TRIM46: variants seen among roughly 807,000 people sequenced by gnomAD.
TRIM46 encodes tripartite motif-containing protein 46.
In TRIM46, 17 loss-of-function variants were observed where a neutral mutation model predicts 69.7. That is an observed-to-expected ratio of 0.24 (90% CI 0.17 to 0.37). The LOEUF is 0.37. Among genes scored for constraint, TRIM46 ranks in the 10% least tolerant of loss-of-function variants. TRIM46 has a pLI of 1.00. For synonymous variants in TRIM46, 391 were observed against 429.0 expected, an observed-to-expected ratio of 0.91 and a Z score of 1.09; for missense variants, 675 against 1,025.1, an observed-to-expected ratio of 0.66 and a Z score of 4.66.
chr1:155,184,287 A>G lies in TRIM46; in HGVS notation c.*97A>G. 1 of 1,305,410 alleles carries G rather than the reference A, an allele frequency of 7.7e-7. No homozygotes were observed. Among genetic ancestry groups the G allele is most frequent in the South Asian group, 1.5e-5 (1 of 64,764 alleles). The allele number at this position is 1,305,410 out of a possible 1,614,324, so 80.9% of individuals were successfully genotyped here. A position where few individuals can be genotyped will look rare whatever the true frequency, so the allele number is the denominator to read the frequency against. Reference sequence around the variant, plus strand: ...GTTACCCCCTGGCAGCTTCTCCCCCAAACTCTCCTACCATGTGGCCCTGCT... The same window carrying G: ...GTTACCCCCTGGCAGCTTCTCCCCCGAACTCTCCTACCATGTGGCCCTGCT... On this transcript the variant is annotated 3_prime_UTR_variant, in exon 10 of 10. Coordinates refer to ENST00000334634, the MANE Select transcript of TRIM46 (RefSeq NM_025058.5). The surrounding 1 kb of genome is among the most constrained non-coding windows in gnomAD (Gnocchi z 5.6).
At chr1:155,177,367 C>T in intron 5 of TRIM46, 77 bp downstream of exon 5, 1 of 1,269,464 alleles carries the variant, frequency 7.9e-7, no homozygotes, top group Non-Finnish European at 1.1e-6. Flanking sequence ...TGATCATGAC[C>T]CAATCACCTT....
chr1:155,174,027 A>G lies in TRIM46; in HGVS notation c.61A>G (p.Ser21Gly). ...TSIMDALVRI[S>G]TSMKNMEKEL... ...CATCATGGACGCACTGGTCCGCATC[A>G]GTGTGAGTTAAGGTGGGGTCGAGGG... Residue 21 changes from serine to glycine, a missense_variant and splice_region_variant, in exon 1 of 10, where the codon AGT (serine) becomes GGT (glycine). Around this residue, in one of 5 missense-constraint regions of TRIM46, gnomAD observed 170 missense variants for 255.6 expected, o/e 0.67. Coordinates refer to ENST00000334634, the MANE Select transcript of TRIM46 (RefSeq NM_025058.5). 6.4e-7 allele frequency: 1 copy of G among 1,562,308 alleles called. No homozygotes were observed. The highest frequency in any genetic ancestry group is 8.7e-7 in the Non-Finnish European group (1 of 1,153,664).
rs181184987 is a variant in TRIM46, at chr1:155,175,413, C to G, written c.91C>G (p.Leu31Val). ...STSMKNMEKE[L>V]LCPVCQEMYK... ...CAGCATGAAGAACATGGAGAAGGAACTGCTGTGCCCAGTGTGTCAAGAGAT... is the reference window on the plus strand; with the variant it reads ...CAGCATGAAGAACATGGAGAAGGAAGTGCTGTGCCCAGTGTGTCAAGAGAT... Residue 31 changes from leucine (L) to valine (V), a missense_variant, in exon 2 of 10, where the codon CTG becomes GTG. Around this residue, in one of 5 missense-constraint regions of TRIM46, gnomAD observed 170 missense variants for 255.6 expected, o/e 0.67. Transcript: ENST00000334634. This position sits in a 1 kb window ranked among gnomAD's most constrained non-coding sequence, Gnocchi z 4.2. The G allele has an allele frequency of 2.5e-6, 4 of 1,614,108 alleles. No individual in the cohort carries two copies. The highest frequency in any genetic ancestry group is 3.3e-4 in the Middle Eastern group (2 of 6,060).
intron 9 of TRIM46, among the ~76,000 whole-genome samples, chr1:155,183,464 G>A (rs1228175647): frequency 6.6e-6 from 1 of 151,842 alleles, no homozygotes; most frequent in Non-Finnish European, 1.5e-5. Flanking sequence ...TTCTTCCAAT[G>A]TCCTCTAATC....
rs1666380210 is a variant in TRIM46 at position 155,184,157 on chromosome 1, A to G, written c.2247A>G (p.Lys749=). Residue 749 remains lysine (K), a synonymous_variant, in exon 10 of 10, where the codon AAA becomes AAG. Coordinates refer to ENST00000334634, the MANE Select transcript of TRIM46 (RefSeq NM_025058.5). The surrounding 1 kb of genome is among the most constrained non-coding windows in gnomAD (Gnocchi z 5.6). The part of the protein sequence containing the change: ...QEPVGTKPER[K]VTIGGFAKLD ...CAGTGGGCACTAAGCCTGAGAGGAA[A>G]GTCACCATTGGGGGCTTCGCCAAGC... 3.1e-6 allele frequency: 5 copies of G among 1,613,118 alleles called. No homozygotes were observed. The Admixed American group carries it at 5.0e-5, about 16-fold the overall frequency.
rs1332136229 is a variant in TRIM46, at chr1:155,175,895, G to A, written c.333G>A (p.Gly111=). 1.9e-6 allele frequency: 3 copies of A among 1,588,434 alleles called. No homozygotes were observed. Among genetic ancestry groups the A allele is most frequent in the African/African-American group, 2.7e-5 (2 of 74,446 alleles). ...RLDRLLKSGF[G]TYPGRKRGAL... is the part of the protein sequence containing the mutation. ...TCCCTGGTTCACCCACAGGCTTTGG[G>A]ACATACCCTGGGAGGAAGCGAGGTG... The change falls in exon 3 of 10, where the codon GGG becomes GGA. Residue 111 remains glycine, a synonymous_variant. Coordinates refer to ENST00000334634, the MANE Select transcript of TRIM46 (RefSeq NM_025058.5). The surrounding 1 kb of genome is among the most constrained non-coding windows in gnomAD (Gnocchi z 4.2).
rs1446851084 is a variant in TRIM46 at position 155,181,934 on chromosome 1, T to C, written c.1671T>C (p.Ser557=). Residue 557 remains serine (S), a synonymous_variant, in exon 9 of 10, where the codon AGT becomes AGC. Transcript: ENST00000334634. This position sits in a 1 kb window ranked among gnomAD's most constrained non-coding sequence, Gnocchi z 4.3. Reference sequence around the variant, plus strand: ...GCAAGGACCAGCGAGCAGTACGGAGTGTTCCAGGGCTGCCCCTGCTGCTGG... The same window carrying C: ...GCAAGGACCAGCGAGCAGTACGGAGCGTTCCAGGGCTGCCCCTGCTGCTGG... ...AISKDQRAVR[S]VPGLPLLLAA... is the part of the protein sequence containing the mutation. 1 of 1,613,794 alleles carries C rather than the reference T, an allele frequency of 6.2e-7. No individual in the cohort carries two copies. The highest frequency in any genetic ancestry group is 1.1e-5 in the South Asian group (1 of 91,072).
Position 155,181,653 on chromosome 1 carries a change from G to A in TRIM46, c.1589-199G>A, listed in dbSNP as rs1054752646. Among the ~76,000 whole-genome samples the A allele has an allele frequency of 6.6e-6, 1 of 152,088 alleles. No homozygotes were observed. The highest frequency in any genetic ancestry group is 2.4e-5 in the African/African-American group (1 of 41,398). ...TCACAAAAACTCTCTGGGGTCCCAC[G>A]CCCATTTGGAATGCCCCCTTCTTTT... is the stretch of plus-strand genomic sequence containing the variant. On this transcript the variant is annotated intron_variant, in intron 8 of 9. Transcript: ENST00000334634. This position sits in a 1 kb window ranked among gnomAD's most constrained non-coding sequence, Gnocchi z 4.3.
rs1665533887 is a variant in TRIM46, at chr1:155,175,123, T to C, written c.64-263T>C. 2 of 1,370,088 alleles carry C rather than the reference T, an allele frequency of 1.5e-6. No homozygotes were observed. The highest frequency in any genetic ancestry group is 2.9e-5 in the East Asian group (1 of 34,928). 84.9% of individuals were successfully genotyped at this position (1,370,088 alleles called of 1,614,324 possible). Reference sequence around the variant, plus strand: ...GCTGGGGCTACTGCAGCTGGAGAAATGGGGATTGGGCTTGAGGCTGGAGCA... The same window carrying C: ...GCTGGGGCTACTGCAGCTGGAGAAACGGGGATTGGGCTTGAGGCTGGAGCA... On this transcript the variant is annotated intron_variant, in intron 1 of 9. Transcript: ENST00000334634. This position sits in a 1 kb window ranked among gnomAD's most constrained non-coding sequence, Gnocchi z 4.2.
rs1354825210 is a variant in TRIM46, at chr1:155,184,797, T to G, written c.*607T>G. On this transcript the variant is annotated 3_prime_UTR_variant, in exon 10 of 10. Transcript: ENST00000334634. This position sits in a 1 kb window ranked among gnomAD's most constrained non-coding sequence, Gnocchi z 5.6. ...CCATGCCAATGTGCCAAGTCTCCCT[T>G]GGGGACCCAGCTGAGTCTGGGTGTT... 1 of 153,620 alleles carries G rather than the reference T, an allele frequency of 6.5e-6. No individual in the cohort carries two copies. The highest frequency in any genetic ancestry group is 2.4e-5 in the African/African-American group (1 of 41,462). 9.5% of individuals were successfully genotyped at this position (153,620 alleles called of 1,614,324 possible).
Position 155,181,756 on chromosome 1 carries a change from T to C in TRIM46, c.1589-96T>C, listed in dbSNP as rs1666188519. On this transcript the variant is annotated intron_variant, in intron 8 of 9. Coordinates refer to ENST00000334634, the MANE Select transcript of TRIM46 (RefSeq NM_025058.5). This position sits in a 1 kb window ranked among gnomAD's most constrained non-coding sequence, Gnocchi z 4.3. ...GCCTGTTCCTGGTGACTGAACCCCCTTGCAACGCGTTCCCTGTTCTGCAGT... is the reference window on the plus strand; with the variant it reads ...GCCTGTTCCTGGTGACTGAACCCCCCTGCAACGCGTTCCCTGTTCTGCAGT... 2 of 1,396,766 alleles carry C rather than the reference T, an allele frequency of 1.4e-6. No individual in the cohort carries two copies. The highest frequency in any genetic ancestry group is 1.4e-5 in the African/African-American group (1 of 69,946). The allele number at this position is 1,396,766 out of a possible 1,614,324, so 86.5% of individuals were successfully genotyped here.
intron 7 of TRIM46, 126 bp downstream of exon 7, chr1:155,178,739 T>TTGCCCCCCCCCCCCCCCCCC: frequency 5.9e-6 from 8 of 1,348,462 alleles, no homozygotes; most frequent in Middle Eastern, 2.1e-4. Context: ...CAGCCATTCC[T>TTGCCCCCCCCCCCCCCCCCC]CCCACCCAGC....
At chr1:155,178,955 G>A in intron 7 of TRIM46, 1 of 809,582 alleles carries the variant, frequency 1.2e-6, no homozygotes, top group Non-Finnish European at 1.8e-6. Flanking sequence ...TCTCTTTCCT[G>A]CCTTGCCCCG....
Position 155,179,727 on chromosome 1 carries a change from C to T in TRIM46, c.1381C>T (p.His461Tyr), listed in dbSNP as rs749788284. The T allele has an allele frequency of 1.9e-6, 3 of 1,613,524 alleles. No homozygotes were observed. The highest frequency in any genetic ancestry group is 2.2e-5 in the South Asian group (2 of 91,080). Residue 461 changes from histidine (H) to tyrosine (Y), a missense_variant, in exon 8 of 10, where the codon CAC becomes TAC. By Grantham distance (83) the His-to-Tyr change is moderately conservative. Transcript: ENST00000334634. Reference sequence around the variant, plus strand: ...GCCCCCCCATTCACCACCTGCCTGGCACTATACCGTTGAGTTCCGGCGCAC... The same window carrying T: ...GCCCCCCCATTCACCACCTGCCTGGTACTATACCGTTGAGTTCCGGCGCAC... Reference protein sequence around the residue: ...RLPPHSPPAWHYTVEFRRTDV... With the variant: ...RLPPHSPPAWYYTVEFRRTDV...
In TRIM46 at chr1:155,175,809, T is replaced by C. The variant is rs1396814860; in HGVS notation, c.326-79T>C. On this transcript the variant is annotated intron_variant, in intron 2 of 9. Transcript: ENST00000334634. The surrounding 1 kb of genome is among the most constrained non-coding windows in gnomAD (Gnocchi z 4.2). ...GAGCTGAGCTCTGGCACAATGAAAA[T>C]CTAATTTAATTAAACAGGCTTCCCC... 6 of 1,574,064 alleles carry C rather than the reference T, an allele frequency of 3.8e-6. No homozygotes were observed. The highest frequency in any genetic ancestry group is 1.7e-4 in the Middle Eastern group (1 of 5,952).
chr1:155,180,302 A>G lies in TRIM46; in HGVS notation c.1588+368A>G, dbSNP rs1392910458. The G allele has an allele frequency of 1.2e-5, 4 of 327,518 alleles. No homozygotes were observed. The East Asian group carries it at 2.0e-4, about 17-fold the overall frequency. 20.3% of individuals were successfully genotyped at this position (327,518 alleles called of 1,614,324 possible). ...GCCAACACAGCGAGACCCGATCTCT[A>G]AAAAAATAAATAGGCCAGGCGAGGT... On this transcript the variant is annotated intron_variant, in intron 8 of 9. Coordinates refer to ENST00000334634, the MANE Select transcript of TRIM46 (RefSeq NM_025058.5).
chr1:155,182,305 TC>T, intron 9 of TRIM46, 156 bp downstream of exon 9: 2 of 840,616 alleles, frequency 2.4e-6, no homozygotes, highest in Non-Finnish European at 3.6e-6. Context: ...GAGGCCTGTG[TC>T]CAGGAGACGC....
chr1:155,177,670 C>G (rs1023220657), intron 5 of TRIM46, among the ~76,000 whole-genome samples: 2 of 152,194 alleles, frequency 1.3e-5, no homozygotes, highest in African/African-American at 2.4e-5. Flanking sequence ...GGATGGACAA[C>G]TAAGGATGGC....
intron 9 of TRIM46, among the ~76,000 whole-genome samples, chr1:155,183,110 C>T (rs1168043522): frequency 1.3e-5 from 2 of 151,894 alleles, no homozygotes; most frequent in Non-Finnish European, 2.9e-5. Context: ...CGGGCTTTCA[C>T]CGTGTTAGCC....
Sources: gnomAD v4.1 joint callset for allele counts (sites outside exome capture counted in the v4.1 genomes callset) on GRCh38, gnomAD v4.1.1 for gene constraint, gnomAD v4.1.1 regional missense constraint, Gnocchi (gnomAD v3.1) non-coding constraint, MANE v1.5 for transcripts, NCBI Gene and HGNC (gene_info 2026-07-23, HGNC 2026-07-21) for gene names.